Variants in MBNL2 observed in about 807,000 individuals in gnomAD.
The protein encoded by MBNL2 is muscleblind like splicing regulator 2.
A neutral mutation model predicts 41.9 loss-of-function variants in MBNL2; 17 were observed. That is an observed-to-expected ratio of 0.41 (90% CI 0.28 to 0.61). The LOEUF (loss-of-function observed/expected upper bound fraction) is 0.61, where lower values mean the gene tolerates loss of function less well. Ranked by LOEUF, MBNL2 falls within the 20% of genes least tolerant of loss-of-function variation. MBNL2 has a pLI of 0.35. For missense variants in MBNL2, 336 were observed against 505.6 expected (o/e 0.66, Z 3.22); for synonymous variants, 195 against 182.9 (o/e 1.07, Z -0.53).
At position 97,279,692 on chromosome 13, in the gene MBNL2, A is replaced by AT. The variant is rs376354038; in HGVS notation, c.174+3284dup. Among the ~76,000 whole-genome samples, 340 of 152,310 alleles carry AT rather than the reference A, an allele frequency of 2.2e-3. 1 individual carries two copies. The highest frequency in any genetic ancestry group is 7.4e-3 in the African/African-American group (306 of 41,560). ...CAATTTATTTATAACTGCGAAAGGA[A>AT]TCTATGTTGGCCTATCAGTATGGGG... is the stretch of plus-strand genomic sequence containing the variant. On this transcript the variant is annotated intron_variant, in intron 2 of 8. Coordinates refer to ENST00000679496, the MANE Select transcript of MBNL2 (RefSeq NM_001382683.1).
At chr13:97,171,517 C>T in the MBNL2 span, among the ~76,000 whole-genome samples, 1 of 152,184 alleles carries the variant, frequency 6.6e-6, no homozygotes, top group Non-Finnish European at 1.5e-5. Context: ...ATACAATATA[C>T]AACACACACT....
chr13:97,174,623 C>T, the MBNL2 span, among the ~76,000 whole-genome samples: 8 of 152,132 alleles, frequency 5.3e-5, no homozygotes, highest in South Asian at 8.3e-4. Flanking sequence ...GGATCAAAGG[C>T]AAATAGGTAT....
chr13:97,172,393 T>G, the MBNL2 span: 14,561 of 152,256 alleles, frequency 0.096, 768 homozygotes, highest in South Asian at 0.18. Context: ...ATTTTATGAT[T>G]CTGTAAAGGT....
intron 8 of MBNL2, among the ~76,000 whole-genome samples, chr13:97,378,102 T>C (rs2065120157): frequency 6.6e-6 from 1 of 152,236 alleles, no homozygotes; most frequent in Non-Finnish European, 1.5e-5. Context: ...ATATTCACAT[T>C]TTGTGGCTTA....
At chr13:97,292,402 C>T (rs1435477368) in intron 2 of MBNL2, among the ~76,000 whole-genome samples, 3 of 152,098 alleles carry the variant, frequency 2.0e-5, no homozygotes, top group Admixed American at 2.0e-4. Flanking sequence ...GAGCAGACTT[C>T]CCTTGGACTG....
intron 2 of MBNL2, among the ~76,000 whole-genome samples, chr13:97,298,752 G>A (rs546695828): frequency 3.3e-5 from 5 of 152,148 alleles, no homozygotes; most frequent in Non-Finnish European, 7.3e-5. Context: ...TATTTCACAC[G>A]TACCTATTAA....
At chr13:97,262,092 T>C (rs955919243) in intron 1 of MBNL2, among the ~76,000 whole-genome samples, 5 of 152,210 alleles carry the variant, frequency 3.3e-5, no homozygotes, top group African/African-American at 4.8e-5. Flanking sequence ...AAACTCTCTT[T>C]ACAAACCTGA....
chr13:97,387,800 T>C (rs1430603171), intron 8 of MBNL2, among the ~76,000 whole-genome samples: 1 of 152,216 alleles, frequency 6.6e-6, no homozygotes, highest in Non-Finnish European at 1.5e-5. Flanking sequence ...CTTGTAAGAC[T>C]CTAGCTTGTA....
At chr13:97,150,379 C>T in the MBNL2 span, among the ~76,000 whole-genome samples, 8 of 152,146 alleles carry the variant, frequency 5.3e-5, no homozygotes, top group South Asian at 4.1e-4. Flanking sequence ...TACATTCTAA[C>T]GAGTTTTTAG....
the MBNL2 span, among the ~76,000 whole-genome samples, chr13:97,181,037 T>C: frequency 3.3e-5 from 5 of 152,202 alleles, no homozygotes; most frequent in East Asian, 9.7e-4. Flanking sequence ...TCTTCCATCT[T>C]GAAAGCCAGC....
intron 2 of MBNL2, among the ~76,000 whole-genome samples, chr13:97,309,431 T>C (rs1566407819): frequency 6.6e-6 from 1 of 152,060 alleles, no homozygotes; most frequent in East Asian, 1.9e-4. Context: ...TTATTGCAAG[T>C]AGAAATTTGG....
chr13:97,232,848 G>T lies in MBNL2; in HGVS notation c.-605+10317G>T, dbSNP rs1171353485. 1.6e-4 allele frequency among the ~76,000 whole-genome samples: 17 copies of T among 105,152 alleles called. No homozygotes were observed. In the South Asian group the frequency reaches 3.0e-3, roughly 19 times the overall value. 69.0% of individuals were successfully genotyped at this position (105,152 alleles called of 152,430 possible). A position where few individuals can be genotyped will look rare whatever the true frequency, so the allele number is the denominator to read the frequency against. ...TGTCGGCCTTTTTCTTACTCTTGAC[G>T]CTATGTGTGTGTGTGTGTGTGTGTG... On this transcript the variant is annotated intron_variant, in intron 1 of 8. Coordinates refer to ENST00000679496, the MANE Select transcript of MBNL2 (RefSeq NM_001382683.1).
intron 8 of MBNL2, among the ~76,000 whole-genome samples, chr13:97,390,311 T>A (rs2066296036): frequency 6.6e-6 from 1 of 150,920 alleles, no homozygotes; most frequent in Non-Finnish European, 1.5e-5. Flanking sequence ...GTGGAGAAAT[T>A]ATACATAACA....
chr13:97,382,788 T>C (rs2153161344), intron 8 of MBNL2, among the ~76,000 whole-genome samples: 1 of 152,106 alleles, frequency 6.6e-6, no homozygotes, highest in Admixed American at 6.5e-5. Context: ...TTCAAGTGAT[T>C]CTCCTGCCTT....
chr13:97,152,618 A>G, the MBNL2 span, among the ~76,000 whole-genome samples: 6 of 152,334 alleles, frequency 3.9e-5, 1 homozygote, highest in African/African-American at 1.4e-4. Flanking sequence ...AGAGAAAAAT[A>G]ATCAATGCCT....
the MBNL2 span, among the ~76,000 whole-genome samples, chr13:97,215,490 AGTT>A: frequency 2.5e-4 from 38 of 152,350 alleles, 1 homozygote; most frequent in East Asian, 6.5e-3. Flanking sequence ...GGTTTTTAGT[AGTT>A]GTTAAGCTGA....
the MBNL2 span, among the ~76,000 whole-genome samples, chr13:97,211,982 G>T: frequency 9.2e-5 from 14 of 152,236 alleles, no homozygotes; most frequent in Admixed American, 9.2e-4. Context: ...AAGGGGAGAT[G>T]GGGAAATATC....
At chr13:97,229,298 G>C (rs992967262) in intron 1 of MBNL2, among the ~76,000 whole-genome samples, 2 of 151,764 alleles carry the variant, frequency 1.3e-5, no homozygotes, top group Non-Finnish European at 2.9e-5. Context: ...AGGAAGAGCT[G>C]CCTCCTCTGG....
intron 2 of MBNL2, among the ~76,000 whole-genome samples, chr13:97,307,436 C>G (rs965380540): frequency 4.6e-5 from 7 of 151,252 alleles, no homozygotes; most frequent in Admixed American, 2.0e-4. Context: ...TAGACTCCAC[C>G]AAAACCAGAT....
Sources: gnomAD v4.1 joint callset for allele counts (sites outside exome capture counted in the v4.1 genomes callset) on GRCh38, gnomAD v4.1.1 for gene constraint, MANE v1.5 for transcripts, NCBI Gene and HGNC (gene_info 2026-07-23, HGNC 2026-07-21) for gene names.